The following CDKAL1 variants were observed in gnomAD, a reference collection of about 807,000 sequenced individuals.
The protein encoded by CDKAL1 is CDKAL1 threonylcarbamoyladenosine tRNA methylthiotransferase.
Under a neutral mutation model 68.2 loss-of-function variants are expected in CDKAL1, and 32 were observed. The ratio of observed to expected loss-of-function variants is 0.47; its 90% CI spans 0.35 to 0.63. The LOEUF (loss-of-function observed/expected upper bound fraction) is 0.63, where lower values mean the gene tolerates loss of function less well. Ranked by LOEUF, CDKAL1 falls within the 30% of genes least tolerant of loss-of-function variation. The pLI is 0.00. For synonymous variants in CDKAL1, 234 were observed against 244.3 expected, an observed-to-expected ratio of 0.96 and a Z score of 0.39; for missense variants, 606 against 696.7, an observed-to-expected ratio of 0.87 and a Z score of 1.47.
Position 21,000,211 on chromosome 6 carries a change from C to T in CDKAL1, c.910-16C>T. 1.9e-6 allele frequency: 3 copies of T among 1,605,192 alleles called. No individual in the cohort carries two copies. The highest frequency in any genetic ancestry group is 1.3e-5 in the African/African-American group (1 of 74,800). ...TTGTTAAAATGATTAGTGTTTTCTCCTTCCATTTTTTTAAGGAAATGGCAA... is the reference window on the plus strand; with the variant it reads ...TTGTTAAAATGATTAGTGTTTTCTCTTTCCATTTTTTTAAGGAAATGGCAA... On this transcript the variant is annotated splice_polypyrimidine_tract_variant and intron_variant, in intron 10 of 15. Transcript: ENST00000274695.
intron 6 of CDKAL1, among the ~76,000 whole-genome samples, chr6:20,747,009 C>T (rs1163661993): frequency 6.6e-6 from 1 of 152,072 alleles, no homozygotes; most frequent in Non-Finnish European, 1.5e-5. Context: ...CCCTCCCCAC[C>T]CCGGTAATCC....
chr6:20,661,061 C>G (rs1000978352), intron 5 of CDKAL1, among the ~76,000 whole-genome samples: 2 of 152,164 alleles, frequency 1.3e-5, no homozygotes, highest in East Asian at 3.9e-4. Context: ...TGAAAAAGAT[C>G]TAAAAGGACA....
chr6:20,995,599 T>C (rs887234645), intron 10 of CDKAL1, among the ~76,000 whole-genome samples: 25 of 152,170 alleles, frequency 1.6e-4, no homozygotes, highest in African/African-American at 5.8e-4. Flanking sequence ...TAGGTCTCGA[T>C]AGTGGGTTTA....
At chr6:20,905,871 A>G (rs757644565) in intron 9 of CDKAL1, among the ~76,000 whole-genome samples, 1 of 101,614 alleles carries the variant, frequency 9.8e-6, no homozygotes, top group Non-Finnish European at 1.9e-5. Flanking sequence ...TTCATGAGTG[A>G]GATAGAAAAT....
chr6:21,091,943 G>A (rs1183831056), intron 12 of CDKAL1, among the ~76,000 whole-genome samples: 2 of 127,206 alleles, frequency 1.6e-5, no homozygotes, highest in African/African-American at 3.0e-5. Context: ...CTGGAGTGCA[G>A]TGGCGTGATC....
intron 15 of CDKAL1, among the ~76,000 whole-genome samples, chr6:21,210,762 A>G (rs1779122520): frequency 6.6e-6 from 1 of 152,326 alleles, no homozygotes; most frequent in South Asian, 2.1e-4. Flanking sequence ...CAGACAACAG[A>G]GAGCAGTTTA....
At chr6:21,095,832 T>C (rs2150976931) in intron 12 of CDKAL1, among the ~76,000 whole-genome samples, 1 of 152,246 alleles carries the variant, frequency 6.6e-6, no homozygotes, top group Non-Finnish European at 1.5e-5. Flanking sequence ...AGGCCAAAGA[T>C]AAAAAAGAAA....
chr6:20,653,937 C>T (rs1001497627), intron 5 of CDKAL1, among the ~76,000 whole-genome samples: 7 of 150,396 alleles, frequency 4.7e-5, no homozygotes, highest in African/African-American at 9.8e-5. Flanking sequence ...AGTAGAGATG[C>T]GGTTTCACCG....
chr6:21,128,638 TAAG>T (rs2151017868), intron 13 of CDKAL1, among the ~76,000 whole-genome samples: 1 of 152,260 alleles, frequency 6.6e-6, no homozygotes, highest in South Asian at 2.1e-4. Flanking sequence ...TAGGATAAAA[TAAG>T]AAGAGATGTG....
chr6:20,579,152 AT>A (rs1237428881), intron 4 of CDKAL1, among the ~76,000 whole-genome samples: 2 of 151,782 alleles, frequency 1.3e-5, no homozygotes, highest in Admixed American at 6.6e-5. Context: ...TAATTTTTGT[AT>A]TTTTTTGGTA....
chr6:20,912,393 C>T (rs1031076514), intron 9 of CDKAL1, among the ~76,000 whole-genome samples: 3 of 152,114 alleles, frequency 2.0e-5, no homozygotes, highest in African/African-American at 4.8e-5. Context: ...TTTCAGCAGA[C>T]GAGTACTTTT....
intron 13 of CDKAL1, among the ~76,000 whole-genome samples, chr6:21,123,035 T>C (rs1453458391): frequency 1.3e-5 from 2 of 152,278 alleles, no homozygotes; most frequent in African/African-American, 4.8e-5. Flanking sequence ...TATGTATAGA[T>C]GTACATGCTG....
At chr6:21,207,180 A>G (rs12530254) in intron 15 of CDKAL1, among the ~76,000 whole-genome samples, 21,766 of 151,688 alleles carry the variant, frequency 0.14, 1,637 homozygotes, top group East Asian at 0.22. Context: ...TCCAAAGTGC[A>G]GGGATTAGAG....
At chr6:20,994,838 C>T (rs970038579) in intron 10 of CDKAL1, among the ~76,000 whole-genome samples, 2 of 152,148 alleles carry the variant, frequency 1.3e-5, no homozygotes, top group African/African-American at 4.8e-5. Flanking sequence ...TGTGATGGGT[C>T]TTGCCACGAT....
At chr6:21,009,089 C>G (rs1016118201) in intron 11 of CDKAL1, among the ~76,000 whole-genome samples, 2 of 152,122 alleles carry the variant, frequency 1.3e-5, no homozygotes, top group African/African-American at 4.8e-5. Flanking sequence ...ATTTAATTCT[C>G]ACAATGGCAC....
intron 5 of CDKAL1, among the ~76,000 whole-genome samples, chr6:20,677,947 T>C (rs1770192365): frequency 6.6e-6 from 1 of 152,218 alleles, no homozygotes; most frequent in Non-Finnish European, 1.5e-5. Flanking sequence ...GAGTTATTTT[T>C]AATTTTTCTG....
chr6:20,782,135 ACAGTGG>A (rs1775458308), intron 8 of CDKAL1, among the ~76,000 whole-genome samples: 1 of 152,170 alleles, frequency 6.6e-6, no homozygotes, highest in Admixed American at 6.5e-5. Flanking sequence ...TTCCTCCAGG[ACAGTGG>A]CGGTTGTGTT....
intron 10 of CDKAL1, among the ~76,000 whole-genome samples, chr6:20,993,780 T>C (rs1211326061): frequency 1.3e-5 from 2 of 152,214 alleles, no homozygotes; most frequent in East Asian, 1.9e-4. Flanking sequence ...ATAACAAACA[T>C]TGAGATGATT....
chr6:20,600,086 G>A (rs1206644385), intron 4 of CDKAL1, among the ~76,000 whole-genome samples: 1 of 152,080 alleles, frequency 6.6e-6, no homozygotes, highest in Non-Finnish European at 1.5e-5. Context: ...GTGATTTGTT[G>A]TATAATTCTG....
Sources: allele counts gnomAD v4.1 joint callset (sites outside exome capture counted in the v4.1 genomes callset), GRCh38; gene constraint gnomAD v4.1.1; transcripts MANE v1.5; gene names NCBI Gene and HGNC (gene_info 2026-07-23, HGNC 2026-07-21).